Variants in SLC25A48 observed in about 807,000 individuals in gnomAD.
The protein encoded by SLC25A48 is CTC-321K16.1.
Under a neutral mutation model 32.2 loss-of-function variants are expected in SLC25A48, and 29 were observed. That is an observed-to-expected ratio of 0.90 (90% CI 0.67 to 1.23). The LOEUF is 1.23. Among genes scored for constraint, SLC25A48 ranks in the 50% most tolerant of loss-of-function variants. The pLI is 0.00. For missense variants in SLC25A48, 399 were observed against 422.7 expected, an observed-to-expected ratio of 0.94 and a Z score of 0.49; for synonymous variants, 164 against 172.3, an observed-to-expected ratio of 0.95 and a Z score of 0.38.
chr5:135,604,641 C>T (rs1435583672), intron 1 of SLC25A48, among the ~76,000 whole-genome samples: 1 of 152,210 alleles, frequency 6.6e-6, no homozygotes, highest in African/African-American at 2.4e-5. Context: ...TGGGAAGAAG[C>T]TTTTTCCTAC....
At chr5:135,863,605 A>G (rs1424684916) in intron 4 of SLC25A48, among the ~76,000 whole-genome samples, 3 of 152,222 alleles carry the variant, frequency 2.0e-5, no homozygotes, top group African/African-American at 7.2e-5. Context: ...TACCACGTTA[A>G]TGCCCATTCC....
intron 2 of SLC25A48, among the ~76,000 whole-genome samples, chr5:135,845,501 T>C (rs1405870694): frequency 6.6e-6 from 1 of 152,200 alleles, no homozygotes; most frequent in Non-Finnish European, 1.5e-5. Flanking sequence ...TTCTGGCTGA[T>C]GTTTTCTCAA....
chr5:135,708,303 G>A (rs1328267578), intron 3 of SLC25A48, among the ~76,000 whole-genome samples: 1 of 152,112 alleles, frequency 6.6e-6, no homozygotes, highest in East Asian at 1.9e-4. Flanking sequence ...ACTTCACCTT[G>A]CAAAAGTTAT....
At chr5:135,748,360 G>A (rs866353509) in intron 3 of SLC25A48, among the ~76,000 whole-genome samples, 3 of 152,180 alleles carry the variant, frequency 2.0e-5, no homozygotes, top group South Asian at 2.1e-4. Context: ...TGCAACCTCC[G>A]CCTCCTGGGT....
Position 135,871,619 on chromosome 5 carries a change from C to T in SLC25A48, c.580C>T (p.Leu194Phe). The T allele has an allele frequency of 6.2e-7, 1 of 1,614,212 alleles. No individual in the cohort carries two copies. The highest frequency in any genetic ancestry group is 8.5e-7 in the Non-Finnish European group (1 of 1,180,032). ...MLLRDVPGYCLYFIPYVFLSE... is the reference protein window; with the variant it reads ...MLLRDVPGYCFYFIPYVFLSE... ...GCTGAGGGATGTCCCAGGCTATTGC[C>T]TCTACTTCATCCCCTACGTGTTCCT... Residue 194 changes from leucine (L) to phenylalanine (F), a missense_variant, in exon 5 of 8, where the codon CTC becomes TTC. By Grantham distance (22) the Leu-to-Phe change is conservative. Transcript: ENST00000681962.
At chr5:135,793,818 G>A (rs552572485) in intron 3 of SLC25A48, among the ~76,000 whole-genome samples, 70 of 131,028 alleles carry the variant, frequency 5.3e-4, no homozygotes, top group African/African-American at 1.7e-3. Context: ...GTAGGTTTAC[G>A]CCATGTGTGT....
intron 1 of SLC25A48, among the ~76,000 whole-genome samples, chr5:135,583,171 A>AGTGTGTGTGTGT (rs35679412): frequency 0.025 from 3,705 of 150,502 alleles, 77 homozygotes; most frequent in South Asian, 0.056. Flanking sequence ...CATGTGAGAA[A>AGTGTGTGTGTGT]GTGTGTGTGC....
At chr5:135,848,548 C>A (rs1759595364) in intron 2 of SLC25A48, among the ~76,000 whole-genome samples, 1 of 152,220 alleles carries the variant, frequency 6.6e-6, no homozygotes, top group Non-Finnish European at 1.5e-5. Context: ...TATCACCCAG[C>A]TCTTCTTATC....
chr5:135,794,074 T>C (rs1757102480), intron 3 of SLC25A48, among the ~76,000 whole-genome samples: 1 of 151,918 alleles, frequency 6.6e-6, no homozygotes, highest in Admixed American at 6.6e-5. Context: ...CCTTGTAATA[T>C]TGTTCCAAAT....
intron 3 of SLC25A48, among the ~76,000 whole-genome samples, chr5:135,796,009 A>AG (rs113931558): frequency 0.024 from 2,287 of 96,582 alleles, 130 homozygotes; most frequent in African/African-American, 0.065. Flanking sequence ...CAGTATCGCG[A>AG]GGGGGGGGTG....
At chr5:135,646,831 G>T (rs1288710392) in intron 3 of SLC25A48, among the ~76,000 whole-genome samples, 3 of 151,326 alleles carry the variant, frequency 2.0e-5, no homozygotes, top group African/African-American at 7.3e-5. Flanking sequence ...GGGGGAAATG[G>T]GAAGATGTTG....
chr5:135,693,083 T>C (rs866372953), intron 3 of SLC25A48, among the ~76,000 whole-genome samples: 30 of 152,242 alleles, frequency 2.0e-4, no homozygotes, highest in African/African-American at 6.8e-4. Flanking sequence ...TTCAGTGTAC[T>C]TTTTCCTTGT....
At chr5:135,768,067 G>A (rs1480593890) in intron 3 of SLC25A48, among the ~76,000 whole-genome samples, 2 of 148,282 alleles carry the variant, frequency 1.3e-5, no homozygotes, top group African/African-American at 5.0e-5. Flanking sequence ...TCCCAATATC[G>A]CAGCGGGTGT....
chr5:135,615,103 T>C (rs1449200267), intron 1 of SLC25A48, among the ~76,000 whole-genome samples: 1 of 152,216 alleles, frequency 6.6e-6, no homozygotes, highest in Non-Finnish European at 1.5e-5. Flanking sequence ...TATTTCTTTA[T>C]AGCAGTATTA....
intron 4 of SLC25A48, among the ~76,000 whole-genome samples, chr5:135,823,995 A>G (rs1757958553): frequency 6.6e-6 from 1 of 152,200 alleles, no homozygotes; most frequent in African/African-American, 2.4e-5. Flanking sequence ...CCTATTGTGA[A>G]CGAGAGGCAC....
intron 3 of SLC25A48, among the ~76,000 whole-genome samples, chr5:135,758,374 T>A (rs1387496947): frequency 2.0e-5 from 3 of 150,806 alleles, no homozygotes; most frequent in African/African-American, 7.2e-5. Context: ...ATCTCTAGTG[T>A]TAACATACTG....
chr5:135,659,525 A>G lies in SLC25A48; in HGVS notation c.-521+24569A>G, dbSNP rs116768869. ...CTTCTGAGCCCTCCAAAGTCTTCCA[A>G]CCTCTGCTCATTATCCAGTTCCAAA... On this transcript the variant is annotated intron_variant, in intron 3 of 10. Transcript: ENST00000646290. Among the ~76,000 whole-genome samples, 1,417 of 152,190 alleles carry G rather than the reference A, an allele frequency of 9.3e-3. 23 individuals are homozygous for G. Among genetic ancestry groups the G allele is most frequent in the African/African-American group, 0.033 (1,379 of 41,520 alleles).
At chr5:135,608,524 G>A (rs948627358) in intron 1 of SLC25A48, among the ~76,000 whole-genome samples, 26 of 152,202 alleles carry the variant, frequency 1.7e-4, no homozygotes, top group African/African-American at 6.3e-4. Context: ...CAGAAAGCTG[G>A]GTCCATTGGA....
chr5:135,678,855 G>A (rs1753828615), intron 3 of SLC25A48, among the ~76,000 whole-genome samples: 1 of 152,172 alleles, frequency 6.6e-6, no homozygotes, highest in Non-Finnish European at 1.5e-5. Context: ...GTTAGTGGAG[G>A]CTGTGGTAAA....
Sources: allele counts gnomAD v4.1 joint callset (sites outside exome capture counted in the v4.1 genomes callset), GRCh38; gene constraint gnomAD v4.1.1; transcripts MANE v1.5; gene names NCBI Gene and HGNC (gene_info 2026-07-23, HGNC 2026-07-21).